The following ADGRB3 variants were observed in gnomAD, a reference collection of about 807,000 sequenced individuals.
ADGRB3 encodes the protein adhesion G protein-coupled receptor B3, also known as brain-specific angiogenesis inhibitor 3.
A neutral mutation model predicts 193.4 loss-of-function variants in ADGRB3; 37 were observed. The ratio of observed to expected loss-of-function variants is 0.19; its 90% CI spans 0.15 to 0.25. The LOEUF is 0.25. Among genes scored for constraint, ADGRB3 ranks in the 10% least tolerant of loss-of-function variants. The pLI is 1.00. For missense variants in ADGRB3, 1,637 were observed against 1,852.9 expected (o/e 0.88, Z 2.14); for synonymous variants, 690 against 644.2 (o/e 1.07, Z -1.08).
At chr6:68,948,721 A>C (rs1767838753) in intron 6 of ADGRB3, among the ~76,000 whole-genome samples, 1 of 152,118 alleles carries the variant, frequency 6.6e-6, no homozygotes, top group Non-Finnish European at 1.5e-5. Flanking sequence ...ATATGTTTCC[A>C]TGCAGTAGAG....
At chr6:68,740,720 A>C (rs1302614113) in intron 3 of ADGRB3, among the ~76,000 whole-genome samples, 5 of 152,206 alleles carry the variant, frequency 3.3e-5, no homozygotes, top group Non-Finnish European at 5.9e-5. Context: ...GTGTTAGTAA[A>C]ACATAATATT....
intron 17 of ADGRB3, among the ~76,000 whole-genome samples, chr6:69,224,444 G>A (rs1554176479): frequency 6.6e-6 from 1 of 152,046 alleles, no homozygotes; most frequent in Non-Finnish European, 1.5e-5. Context: ...TCCTAGCCCA[G>A]ACCAACAGTT....
intron 13 of ADGRB3, among the ~76,000 whole-genome samples, chr6:69,025,104 A>C (rs866312422): frequency 6.8e-6 from 1 of 146,236 alleles, no homozygotes; most frequent in Non-Finnish European, 1.5e-5. Context: ...AAAAAAAAAA[A>C]AAAAATAAAA....
chr6:69,188,863 T>TCC (rs1252978104), intron 17 of ADGRB3, among the ~76,000 whole-genome samples: 1 of 152,180 alleles, frequency 6.6e-6, no homozygotes, highest in Non-Finnish European at 1.5e-5. Flanking sequence ...CACATATATC[T>TCC]CTTTGGATGG....
intron 3 of ADGRB3, among the ~76,000 whole-genome samples, chr6:68,869,617 T>TA (rs1233746628): frequency 6.6e-6 from 1 of 152,192 alleles, no homozygotes; most frequent in Non-Finnish European, 1.5e-5. Context: ...ATTCCTAAGA[T>TA]AAAATGAGAA....
At chr6:68,894,646 A>T (rs532328793) in intron 3 of ADGRB3, among the ~76,000 whole-genome samples, 22 of 152,064 alleles carry the variant, frequency 1.4e-4, no homozygotes, top group Middle Eastern at 6.8e-3. Context: ...TATAGAAAAA[A>T]AATTGCATTC....
intron 3 of ADGRB3, among the ~76,000 whole-genome samples, chr6:68,740,976 T>C (rs1562011939): frequency 6.6e-6 from 1 of 152,140 alleles, no homozygotes; most frequent in Non-Finnish European, 1.5e-5. Flanking sequence ...TACAGTGATA[T>C]ATGTTTTGGT....
chr6:69,131,287 T>A (rs1276565485), intron 17 of ADGRB3, among the ~76,000 whole-genome samples: 1 of 152,102 alleles, frequency 6.6e-6, no homozygotes, highest in Non-Finnish European at 1.5e-5. Context: ...TCCCAGTATG[T>A]CTAACACCAA....
intron 3 of ADGRB3, among the ~76,000 whole-genome samples, chr6:68,729,640 C>T (rs1765734725): frequency 6.6e-6 from 1 of 151,494 alleles, no homozygotes; most frequent in Admixed American, 6.6e-5. Flanking sequence ...GAATCTCTTT[C>T]CCAGGCTATT....
At position 69,348,710 on chromosome 6, in the gene ADGRB3, A is replaced by G. The variant is rs1027406017; in HGVS notation, c.3460-5523A>G. 2.6e-5 allele frequency among the ~76,000 whole-genome samples: 4 copies of G among 152,016 alleles called. No homozygotes were observed. The South Asian group carries it at 8.3e-4, about 32-fold the overall frequency. Reference sequence around the variant, plus strand: ...TGGACACAGACATGTGGATATGTGGATGGACAAATTTCACCTTTCTCTCCT... The same window carrying G: ...TGGACACAGACATGTGGATATGTGGGTGGACAAATTTCACCTTTCTCTCCT... On this transcript the variant is annotated intron_variant, in intron 26 of 31. Coordinates refer to ENST00000370598, the MANE Select transcript of ADGRB3 (RefSeq NM_001704.3).
chr6:69,004,409 T>C (rs1207093318), intron 11 of ADGRB3, among the ~76,000 whole-genome samples: 1 of 152,136 alleles, frequency 6.6e-6, no homozygotes, highest in Admixed American at 6.5e-5. Context: ...TCTTCTTTTT[T>C]TTTTTTCTTT....
At chr6:69,055,630 T>G (rs538947961) in intron 15 of ADGRB3, among the ~76,000 whole-genome samples, 91 of 152,304 alleles carry the variant, frequency 6.0e-4, no homozygotes, top group Middle Eastern at 3.4e-3. Flanking sequence ...GATCTTTCTT[T>G]CAATTCTTTT....
chr6:69,029,674 C>A (rs1288687334), intron 13 of ADGRB3, among the ~76,000 whole-genome samples: 1 of 152,118 alleles, frequency 6.6e-6, no homozygotes, highest in Non-Finnish European at 1.5e-5. Context: ...AATGAAATGA[C>A]TATAACAGAG....
At chr6:68,985,275 AC>A (rs1453524923) in intron 10 of ADGRB3, among the ~76,000 whole-genome samples, 4 of 152,138 alleles carry the variant, frequency 2.6e-5, no homozygotes, top group Admixed American at 2.6e-4. Flanking sequence ...CCCCAGACTT[AC>A]GTTATCAGAA....
chr6:68,842,741 C>A (rs1164335265), intron 3 of ADGRB3, among the ~76,000 whole-genome samples: 1 of 151,858 alleles, frequency 6.6e-6, no homozygotes, highest in Non-Finnish European at 1.5e-5. Flanking sequence ...GACCAATATC[C>A]CTGATCAACA....
intron 3 of ADGRB3, among the ~76,000 whole-genome samples, chr6:68,722,062 A>G (rs1341352595): frequency 6.6e-6 from 1 of 151,760 alleles, no homozygotes; most frequent in African/African-American, 2.4e-5. Flanking sequence ...TATCTAACAC[A>G]GATTTACAAT....
chr6:68,963,845 T>TATTA (rs1467548800), intron 8 of ADGRB3, among the ~76,000 whole-genome samples: 1 of 152,112 alleles, frequency 6.6e-6, no homozygotes, highest in Non-Finnish European at 1.5e-5. Context: ...TATATAGTAT[T>TATTA]ATTATTATAT....
chr6:69,325,480 T>G (rs2127309382), intron 21 of ADGRB3, among the ~76,000 whole-genome samples: 1 of 152,188 alleles, frequency 6.6e-6, no homozygotes, highest in African/African-American at 2.4e-5. Context: ...TCTAGAGAAT[T>G]AATGAAACCT....
At chr6:69,048,863 A>G (rs975023948) in intron 14 of ADGRB3, among the ~76,000 whole-genome samples, 1 of 152,194 alleles carries the variant, frequency 6.6e-6, no homozygotes, top group African/African-American at 2.4e-5. Flanking sequence ...AACAAATTTG[A>G]GAAAAAATTA....
Sources: gnomAD v4.1 joint callset for allele counts (sites outside exome capture counted in the v4.1 genomes callset) on GRCh38, gnomAD v4.1.1 for gene constraint, MANE v1.5 for transcripts, NCBI Gene and HGNC (gene_info 2026-07-23, HGNC 2026-07-21) for gene names.